CRAT: variants seen among roughly 807,000 people sequenced by gnomAD.
The protein encoded by CRAT is carnitine O-acetyltransferase.
Under a neutral mutation model 73.7 loss-of-function variants are expected in CRAT, and 66 were observed. The observed-to-expected ratio is 0.90, with a 90% confidence interval of 0.73 to 1.10. The LOEUF (loss-of-function observed/expected upper bound fraction) is 1.10. CRAT is among the 50% of genes least tolerant of loss of function. CRAT has a pLI of 0.00. For missense variants in CRAT, 745 were observed against 846.9 expected (o/e 0.88, Z 1.49); for synonymous variants, 321 against 343.2 (o/e 0.94, Z 0.71).
In CRAT at chr9:129,098,375, G is replaced by A. The variant is rs200167828; in HGVS notation, c.1206-4C>T. 11 of 1,613,638 alleles carry A rather than the reference G, an allele frequency of 6.8e-6. No homozygotes were observed. The East Asian group carries it at 2.5e-4, about 36-fold the overall frequency. On this transcript the variant is annotated splice_polypyrimidine_tract_variant and splice_region_variant and intron_variant, in intron 9 of 13. Transcript: ENST00000318080. ...GATATCCAGGTCCTGGATCATGCTGGGGGTGTGGGAAGAGCAGGTGAGGAG... is the reference window on the plus strand; with the variant it reads ...GATATCCAGGTCCTGGATCATGCTGAGGGTGTGGGAAGAGCAGGTGAGGAG...
chr9:129,095,655 C>A (rs17508557), intron 13 of CRAT, 43 bp from the exon 14 acceptor site: 1 of 1,576,548 alleles, frequency 6.3e-7, no homozygotes. Flanking sequence ...CCTACCTTGA[C>A]GCCCCCAGCA....
chr9:129,099,182 A>G (rs4837336), intron 8 of CRAT, among the ~76,000 whole-genome samples: 142,490 of 143,404 alleles, frequency 0.99, 70,795 homozygotes, highest in Middle Eastern at 1. Flanking sequence ...TCATTCTGTC[A>G]CCCAGGCTAG....
chr9:129,103,777 A>G lies in CRAT; in HGVS notation c.410+411T>C, dbSNP rs1049005315. The stretch of plus-strand genomic sequence containing the variant: ...GTATTTTTATCTCTGGTAGGACTGG[A>G]ATAGGGGCTGGGGCAGGTGACCTGG... On this transcript the variant is annotated intron_variant, in intron 3 of 13. Coordinates refer to ENST00000318080, the MANE Select transcript of CRAT (RefSeq NM_000755.5). This position sits in a 1 kb window ranked among gnomAD's most constrained non-coding sequence, Gnocchi z 4.6. Among the ~76,000 whole-genome samples the G allele has an allele frequency of 3.3e-5, 5 of 152,112 alleles. No homozygotes were observed. Among genetic ancestry groups the G allele is most frequent in the Non-Finnish European group, 7.4e-5 (5 of 68,014 alleles).
At position 129,104,169 on chromosome 9, in the gene CRAT, C is replaced by T; in HGVS notation, c.410+19G>A. On this transcript the variant is annotated intron_variant, in intron 3 of 13. Transcript: ENST00000318080. ...GAGGGGCCCGGCTGCCTCCTGGCCC[C>T]CAAACCCCAGCCACTCACCGGAGCT... 1 of 1,590,678 alleles carries T rather than the reference C, an allele frequency of 6.3e-7. No individual in the cohort carries two copies. Among genetic ancestry groups the T allele is most frequent in the South Asian group, 1.1e-5 (1 of 88,542 alleles).
chr9:129,098,705 A>C, intron 8 of CRAT, 55 bp from the exon 9 acceptor site: 1 of 1,557,392 alleles, frequency 6.4e-7, no homozygotes, highest in Non-Finnish European at 8.6e-7. Flanking sequence ...GCCTGGGTCC[A>C]TTCTGGGACC....
chr9:129,110,427 C>G lies in CRAT; in HGVS notation c.27+56G>C. ...CGCGGTCTCCGTTCCCGGACGCAAC[C>G]GCACGGCCCGCCCAGGCCGTCCAGG... On this transcript the variant is annotated intron_variant, in intron 1 of 13. Transcript: ENST00000318080. The surrounding 1 kb of genome is among the most constrained non-coding windows in gnomAD (Gnocchi z 5.3). 1.3e-6 allele frequency: 2 copies of G among 1,505,874 alleles called. No homozygotes were observed. The highest frequency in any genetic ancestry group is 1.8e-6 in the Non-Finnish European group (2 of 1,133,006). The allele number at this position is 1,505,874 out of a possible 1,614,324, so 93.3% of individuals were successfully genotyped here. A position where few individuals can be genotyped will look rare whatever the true frequency, so the allele number is the denominator to read the frequency against.
At chr9:129,104,099 TA>T in intron 3 of CRAT, 88 bp downstream of exon 3, 2 of 797,390 alleles carry the variant, frequency 2.5e-6, no homozygotes, top group Non-Finnish European at 4.1e-6. Context: ...GGCAGAAAGA[TA>T]AACAGGGTCG....
At position 129,100,493 on chromosome 9, in the gene CRAT, A is replaced by C. The variant is rs1564161653; in HGVS notation, c.984+18T>G. 6.2e-7 allele frequency: 1 copy of C among 1,606,198 alleles called. No individual in the cohort carries two copies. Among genetic ancestry groups the C allele is most frequent in the African/African-American group, 1.3e-5 (1 of 74,864 alleles). On this transcript the variant is annotated intron_variant, in intron 7 of 13. Transcript: ENST00000318080. ...TGTTCAGGTGTGTGTGAGTGGGCGAAGCCCTGCCGGGCCTCACCTGCAGCG... is the reference window on the plus strand; with the variant it reads ...TGTTCAGGTGTGTGTGAGTGGGCGACGCCCTGCCGGGCCTCACCTGCAGCG...
At chr9:129,108,192 T>G in intron 1 of CRAT, 115 bp from the exon 2 acceptor site, 5 of 1,313,232 alleles carry the variant, frequency 3.8e-6, no homozygotes, top group Non-Finnish European at 5.0e-6. Context: ...GACGGCCTCT[T>G]GGGTGGGGCT....
Position 129,110,560 on chromosome 9 carries a change from C to A in CRAT, c.-51G>T. 1 of 1,534,710 alleles carries A rather than the reference C, an allele frequency of 6.5e-7. No individual in the cohort carries two copies. Among genetic ancestry groups the A allele is most frequent in the Non-Finnish European group, 8.7e-7 (1 of 1,150,318 alleles). On this transcript the variant is annotated 5_prime_UTR_variant, in exon 1 of 14. Coordinates refer to ENST00000318080, the MANE Select transcript of CRAT (RefSeq NM_000755.5). The surrounding 1 kb of genome is among the most constrained non-coding windows in gnomAD (Gnocchi z 5.3). ...AGTCCGCTCCGCCCCACACACCGGG[C>A]AAAGTCCGCGCCGCCGCCGCCGCGG...
At chr9:129,108,270 G>A in intron 1 of CRAT, 193 bp from the exon 2 acceptor site, 1 of 994,110 alleles carries the variant, frequency 1.0e-6, no homozygotes, top group Non-Finnish European at 1.4e-6. Context: ...ATGCAGGTAG[G>A]GATGGGGGAG....
At chr9:129,097,067 CA>C (rs796548320) in intron 12 of CRAT, among the ~76,000 whole-genome samples, 182 bp downstream of exon 12, 13,580 of 113,164 alleles carry the variant, frequency 0.12, 1,959 homozygotes, top group African/African-American at 0.35. Flanking sequence ...GACTCCATCT[CA>C]AAAAAAAAAA....
In CRAT at chr9:129,104,197, C is replaced by A. The variant is rs766207302; in HGVS notation, c.401G>T (p.Gly134Val). The A allele has an allele frequency of 6.2e-7, 1 of 1,608,398 alleles. No homozygotes were observed. The stretch of plus-strand genomic sequence containing the variant: ...AACCCCAGCCACTCACCGGAGCTGA[C>A]CCTGCAGGTCCACGAAGTCCTGCTT... ...LPKQDFVDLQ[G>V]QLRFAAKLIE... Residue 134 changes from glycine to valine, a missense_variant, in exon 3 of 14, where the codon GGT becomes GTT. Transcript: ENST00000318080.
At chr9:129,108,698 G>A (rs1848173719) in intron 1 of CRAT, 2 of 1,299,734 alleles carry the variant, frequency 1.5e-6, no homozygotes, top group Non-Finnish European at 2.0e-6. Flanking sequence ...GGAGTGGGCA[G>A]AGACAGGAGG....
rs531274256 is a variant in CRAT, at chr9:129,107,215, G to A, written c.291+599C>T. 9.3e-4 allele frequency: 169 copies of A among 181,372 alleles called. 2 individuals are homozygous for A. Among genetic ancestry groups the A allele is most frequent in the African/African-American group, 3.8e-3 (163 of 42,360 alleles). 11.2% of individuals were successfully genotyped at this position (181,372 alleles called of 1,614,324 possible). A position where few individuals can be genotyped will look rare whatever the true frequency, so the allele number is the denominator to read the frequency against. On this transcript the variant is annotated intron_variant, in intron 2 of 13. Coordinates refer to ENST00000318080, the MANE Select transcript of CRAT (RefSeq NM_000755.5). This position sits in a 1 kb window ranked among gnomAD's most constrained non-coding sequence, Gnocchi z 5.0. ...CGCCTGGCTAATTTTTGTATTTTTA[G>A]TAGAGACAGGGTTTCATCATGTTGG... is the stretch of plus-strand genomic sequence containing the variant.
intron 12 of CRAT, among the ~76,000 whole-genome samples, chr9:129,096,629 G>C (rs1006132327): frequency 6.6e-6 from 1 of 152,244 alleles, no homozygotes; most frequent in Non-Finnish European, 1.5e-5. Flanking sequence ...GAAACTGGCT[G>C]TCTGCTGGAC....
intron 11 of CRAT, chr9:129,097,744 A>G: frequency 4.2e-6 from 2 of 479,640 alleles, no homozygotes; most frequent in South Asian, 3.5e-5. Context: ...GAGTATTGCA[A>G]CTACCAACTC....
intron 12 of CRAT, 28 bp downstream of exon 12, chr9:129,097,222 G>T: frequency 1.3e-6 from 2 of 1,537,200 alleles, no homozygotes; most frequent in Non-Finnish European, 1.8e-6. Flanking sequence ...TAAGGGACAA[G>T]TGAGTAGGCA....
chr9:129,101,863 G>A lies in CRAT; in HGVS notation c.805+20C>T, dbSNP rs765822324. The A allele has an allele frequency of 1.2e-5, 19 of 1,610,808 alleles. No individual in the cohort carries two copies. Among genetic ancestry groups the A allele is most frequent in the Non-Finnish European group, 1.6e-5 (19 of 1,178,530 alleles). ...GAAGAGGCCTGGGTGTGCAGCCCCA[G>A]CACGGCCCCCAAGAGGCACCTTTGA... On this transcript the variant is annotated intron_variant, in intron 6 of 13. Coordinates refer to ENST00000318080, the MANE Select transcript of CRAT (RefSeq NM_000755.5).
Sources: gnomAD v4.1 joint callset for allele counts (sites outside exome capture counted in the v4.1 genomes callset) on GRCh38, gnomAD v4.1.1 for gene constraint, Gnocchi (gnomAD v3.1) non-coding constraint, MANE v1.5 for transcripts, NCBI Gene and HGNC (gene_info 2026-07-23, HGNC 2026-07-21) for gene names.